ZNF253: variants seen among roughly 807,000 people sequenced by gnomAD.
ZNF253 encodes the protein DNA-binding protein.
In ZNF253, 8 loss-of-function variants were observed where a neutral mutation model predicts 11.9. That is an observed-to-expected ratio of 0.67 (90% CI 0.40 to 1.22). The LOEUF (loss-of-function observed/expected upper bound fraction) is 1.22. Among genes scored for constraint, ZNF253 ranks in the 50% most tolerant of loss-of-function variants. The probability of loss-of-function intolerance (pLI) is 0.01; values close to 1 mark genes in which losing one functional copy is unlikely to be tolerated. For missense variants in ZNF253, 485 were observed against 586.9 expected (o/e 0.83, Z 1.79); for synonymous variants, 194 against 194.9 (o/e 1.00, Z 0.04).
At chr19:19,888,175 T>C (rs1294382869) in intron 3 of ZNF253, among the ~76,000 whole-genome samples, 1 of 152,096 alleles carries the variant, frequency 6.6e-6, no homozygotes, top group Non-Finnish European at 1.5e-5. Flanking sequence ...GTAATTCTCC[T>C]GTCTCAGCCT....
chr19:19,867,286 C>T (rs1483254806), intron 1 of ZNF253, among the ~76,000 whole-genome samples: 2 of 152,226 alleles, frequency 1.3e-5, no homozygotes, highest in Admixed American at 6.5e-5. Flanking sequence ...TTGCAAAGGA[C>T]ATGATCATTT....
chr19:19,885,314 CTTT>C lies in ZNF253; in HGVS notation c.226+5169_226+5171del, dbSNP rs1204698106. Among the ~76,000 whole-genome samples the C allele has an allele frequency of 4.5e-4, 27 of 59,590 alleles. 7 individuals carry two copies. The African/African-American group carries it at 4.6e-3, about 10-fold the overall frequency. The allele number at this position is 59,590 out of a possible 152,430, so 39.1% of individuals were successfully genotyped here. On this transcript the variant is annotated intron_variant, in intron 3 of 3. Coordinates refer to ENST00000589717, the MANE Select transcript of ZNF253 (RefSeq NM_021047.3). ...TTCTCTTTCTTTTCTTTCTTTCTTT[CTTT>C]CTTTCTTTCTTTCTTTCTTTCTTTC...
Position 19,894,499 on chromosome 19 carries a change from G to A in ZNF253, c.*1752G>A, listed in dbSNP as rs940064062. The A allele has an allele frequency of 1.3e-5, 2 of 152,178 alleles. No homozygotes were observed. Among genetic ancestry groups the A allele is most frequent in the Non-Finnish European group, 2.9e-5 (2 of 68,022 alleles). The allele number at this position is 152,178 out of a possible 1,614,324, so 9.4% of individuals were successfully genotyped here. The stretch of plus-strand genomic sequence containing the variant: ...TTGTAGTTAACTGATATTAAGTAAT[G>A]TGTAAGGTGGGGGTTCATGTTCTCA... On this transcript the variant is annotated 3_prime_UTR_variant, in exon 4 of 4. Coordinates refer to ENST00000589717, the MANE Select transcript of ZNF253 (RefSeq NM_021047.3).
At chr19:19,865,862 C>A, upstream of ZNF253, 1 of 1,184,036 alleles carries the variant, frequency 8.4e-7, no homozygotes, top group East Asian at 2.3e-5. Flanking sequence ...CTTTGTTTCT[C>A]GCTGCAGCGG....
chr19:19,890,793 G>T (rs1380154383), intron 3 of ZNF253, among the ~76,000 whole-genome samples: 1 of 151,092 alleles, frequency 6.6e-6, no homozygotes, highest in Non-Finnish European at 1.5e-5. Context: ...AAAGTGCTGG[G>T]GTTACAGGCA....
At chr19:19,873,444 T>C (rs2063142858) in intron 1 of ZNF253, among the ~76,000 whole-genome samples, 1 of 152,088 alleles carries the variant, frequency 6.6e-6, no homozygotes, top group Admixed American at 6.6e-5. Flanking sequence ...TCTCTCACAG[T>C]CTCCTAGGTG....
chr19:19,890,608 C>T lies in ZNF253; in HGVS notation c.227-866C>T, dbSNP rs182358969. The stretch of plus-strand genomic sequence containing the variant: ...AAAAATCTTAGCTCACTACAATCTC[C>T]GTCTCCACAGTTGAAGCAATTCTCC... On this transcript the variant is annotated intron_variant, in intron 3 of 3. Transcript: ENST00000589717. Among the ~76,000 whole-genome samples, 259 of 146,508 alleles carry T rather than the reference C, an allele frequency of 1.8e-3. 3 individuals are homozygous for T. The highest frequency in any genetic ancestry group is 5.9e-3 in the African/African-American group (235 of 39,912).
At chr19:19,878,113 G>A (rs1304319770) in intron 1 of ZNF253, among the ~76,000 whole-genome samples, 3 of 152,012 alleles carry the variant, frequency 2.0e-5, no homozygotes, top group Non-Finnish European at 4.4e-5. Flanking sequence ...AGCTTATTGT[G>A]TATATTAAAA....
chr19:19,880,756 C>A (rs535695274), intron 3 of ZNF253, among the ~76,000 whole-genome samples: 1 of 148,418 alleles, frequency 6.7e-6, no homozygotes, highest in South Asian at 2.1e-4. Flanking sequence ...GGCTGCTTTT[C>A]CATTGTTTTG....
intron 1 of ZNF253, among the ~76,000 whole-genome samples, chr19:19,869,685 TTTAA>T (rs1568493583): frequency 2.5e-5 from 3 of 119,550 alleles, no homozygotes; most frequent in African/African-American, 1.3e-4. Context: ...TTTTTTTTTT[TTTAA>T]AAAACAGTCT....
rs754274616 is a variant in ZNF253, at chr19:19,891,513, A to C, written c.266A>C (p.Asn89Thr). ...SHFAQDLWPE[N>T]IQNSFQIGML... ...TTTGCCCAAGACCTTTGGCCAGAGAACATACAAAATTCTTTCCAAATAGGG... is the reference window on the plus strand; with the variant it reads ...TTTGCCCAAGACCTTTGGCCAGAGACCATACAAAATTCTTTCCAAATAGGG... Residue 89 changes from asparagine (N) to threonine (T), a missense_variant, in exon 4 of 4, where the codon AAC (asparagine) becomes ACC (threonine). This residue lies in a region of ZNF253 where 218 missense variants were observed against 213.1 expected (regional missense o/e 1.02). Coordinates refer to ENST00000589717, the MANE Select transcript of ZNF253 (RefSeq NM_021047.3). 6.2e-7 allele frequency: 1 copy of C among 1,610,600 alleles called. No homozygotes were observed. Among genetic ancestry groups the C allele is most frequent in the Non-Finnish European group, 8.5e-7 (1 of 1,178,206 alleles).
rs1438731916 is a variant in ZNF253 at position 19,894,102 on chromosome 19, C to T, written c.*1355C>T. ...CCATAGAATAATTAAGGCACTGACA[C>T]TTCAGACATTACACTAAATCAGAAT... is the stretch of plus-strand genomic sequence containing the variant. On this transcript the variant is annotated 3_prime_UTR_variant, in exon 4 of 4. Transcript: ENST00000589717. The T allele has an allele frequency of 2.0e-5, 3 of 152,188 alleles. No homozygotes were observed. The highest frequency in any genetic ancestry group is 2.9e-5 in the Non-Finnish European group (2 of 68,036). 9.4% of individuals were successfully genotyped at this position (152,188 alleles called of 1,614,324 possible).
At position 19,886,994 on chromosome 19, in the gene ZNF253, A is replaced by T. The variant is rs182047519; in HGVS notation, c.227-4480A>T. The stretch of plus-strand genomic sequence containing the variant: ...ATTTTGGAGCCCTGATGTTATATAC[A>T]CACATTTATATAGATAGATAAATAT... On this transcript the variant is annotated intron_variant, in intron 3 of 3. Coordinates refer to ENST00000589717, the MANE Select transcript of ZNF253 (RefSeq NM_021047.3). 2.2e-3 allele frequency among the ~76,000 whole-genome samples: 341 copies of T among 152,192 alleles called. 2 individuals are homozygous for T. The highest frequency in any genetic ancestry group is 4.0e-3 in the Non-Finnish European group (271 of 68,004).
chr19:19,886,622 C>T (rs541483998), intron 3 of ZNF253, among the ~76,000 whole-genome samples: 1 of 152,266 alleles, frequency 6.6e-6, no homozygotes, highest in Non-Finnish European at 1.5e-5. Flanking sequence ...GGGTCCTTCA[C>T]CTCACACTTG....
At chr19:19,883,378 A>G (rs1285067605) in intron 3 of ZNF253, among the ~76,000 whole-genome samples, 3 of 152,120 alleles carry the variant, frequency 2.0e-5, no homozygotes, top group Admixed American at 2.0e-4. Flanking sequence ...TTGCGAGGCC[A>G]AGGCAGGAGG....
In ZNF253 at chr19:19,892,350, A is replaced by G. The variant is rs780121183; in HGVS notation, c.1103A>G (p.Tyr368Cys). 5 of 1,613,962 alleles carry G rather than the reference A, an allele frequency of 3.1e-6. No individual in the cohort carries two copies. The highest frequency in any genetic ancestry group is 1.6e-4 in the Middle Eastern group (1 of 6,062). ...HKILHTGEKP[Y>C]RCRECGKAFN... ...ATACTTCATACTGGAGAGAAACCCT[A>G]CAGATGTAGAGAATGTGGCAAAGCT... The change falls in exon 4 of 4, where the codon TAC becomes TGC. Residue 368 changes from tyrosine (Y) to cysteine (C), a missense_variant. Physicochemically the swap from Tyr to Cys is radical, Grantham distance 194 (BLOSUM62 -2). This residue lies in a region of ZNF253 where 232 missense variants were observed against 321.4 expected (regional missense o/e 0.72). Coordinates refer to ENST00000589717, the MANE Select transcript of ZNF253 (RefSeq NM_021047.3).
chr19:19,877,360 G>A (rs563229578), intron 1 of ZNF253, among the ~76,000 whole-genome samples: 1 of 151,494 alleles, frequency 6.6e-6, no homozygotes, highest in South Asian at 2.1e-4. Context: ...CAACAGTGAT[G>A]CTGTGTTCTT....
chr19:19,891,007 A>ATTTTTTTTTT (rs1568501169), intron 3 of ZNF253, among the ~76,000 whole-genome samples: 2 of 149,694 alleles, frequency 1.3e-5, no homozygotes, highest in African/African-American at 5.1e-5. Flanking sequence ...TGTCTGGCTA[A>ATTTTTTTTTT]TTTTTTGTAT....
intron 2 of ZNF253, among the ~76,000 whole-genome samples, chr19:19,879,599 A>G (rs561555907): frequency 6.6e-6 from 1 of 152,314 alleles, no homozygotes; most frequent in South Asian, 2.1e-4. Context: ...TTCATCATGC[A>G]TCTTACATTT....
Sources: allele counts gnomAD v4.1 joint callset (sites outside exome capture counted in the v4.1 genomes callset), GRCh38; gene constraint gnomAD v4.1.1; regional missense constraint gnomAD v4.1.1; transcripts MANE v1.5; gene names NCBI Gene and HGNC (gene_info 2026-07-23, HGNC 2026-07-21).